The following CALN1 variants were observed in gnomAD, a reference collection of about 807,000 sequenced individuals.
The protein encoded by CALN1 is calcium-binding protein 8.
In CALN1, 17 loss-of-function variants were observed where a neutral mutation model predicts 30.6. That is an observed-to-expected ratio of 0.56 (90% CI 0.38 to 0.83). CALN1 has a LOEUF of 0.83. Among genes scored for constraint, CALN1 ranks in the 40% least tolerant of loss-of-function variants. The pLI is 0.00. For missense variants in CALN1, 291 were observed against 354.9 expected (o/e 0.82, Z 1.45); for synonymous variants, 156 against 131.4 (o/e 1.19, Z -1.28).
chr7:72,033,149 C>T (rs998365541), intron 4 of CALN1, among the ~76,000 whole-genome samples: 2 of 115,310 alleles, frequency 1.7e-5, no homozygotes, highest in African/African-American at 5.0e-5. Flanking sequence ...GACTGTGTCT[C>T]GTGGTTTCCC....
chr7:72,501,948 T>C, the CALN1 span, among the ~76,000 whole-genome samples: 323 of 72,320 alleles, frequency 4.5e-3, 46 homozygotes, highest in African/African-American at 0.013. Flanking sequence ...TATATATATA[T>C]ACACACATAT....
chr7:72,026,107 C>T (rs117626442), intron 4 of CALN1, among the ~76,000 whole-genome samples: 4 of 152,276 alleles, frequency 2.6e-5, no homozygotes, highest in Non-Finnish European at 5.9e-5. Context: ...ATTCAAGCAA[C>T]GAGTTACCAT....
chr7:72,024,571 G>T, intron 4 of CALN1, among the ~76,000 whole-genome samples: 1 of 151,968 alleles, frequency 6.6e-6, no homozygotes, highest in East Asian at 1.9e-4. Context: ...GCTAATTTTT[G>T]TATTTTTAGT....
Position 72,082,062 on chromosome 7 carries a change from C to G in CALN1, c.388+24089G>C, listed in dbSNP as rs542423411. On this transcript the variant is annotated intron_variant, in intron 4 of 6. Transcript: ENST00000395275. ...AGTGCAGTGGTGCAGTCTCGGCTCA[C>G]TGCAACCTCTGCCTCCTGGGTTCAA... is the stretch of plus-strand genomic sequence containing the variant. Among the ~76,000 whole-genome samples the G allele has an allele frequency of 2.0e-5, 3 of 152,196 alleles. No homozygotes were observed. The East Asian group carries it at 5.8e-4, about 30-fold the overall frequency.
rs1806199622 is a variant in CALN1, at chr7:72,096,048, G to GATAC, written c.388+10102_388+10103insGTAT. ...AGCGAGACCTTGTCTCTAAAAGATA[G>GATAC]ATAGATAGATAGATAGATAGATAGA... is the stretch of plus-strand genomic sequence containing the variant. On this transcript the variant is annotated intron_variant, in intron 4 of 6. Coordinates refer to ENST00000395275, the MANE Select transcript of CALN1 (RefSeq NM_031468.4). 1.4e-5 allele frequency among the ~76,000 whole-genome samples: 2 copies of GATAC among 146,056 alleles called. 1 individual carries two copies. Among genetic ancestry groups the GATAC allele is most frequent in the Admixed American group, 1.4e-4 (2 of 14,616 alleles).
At chr7:72,227,237 A>T (rs1585212313) in intron 3 of CALN1, among the ~76,000 whole-genome samples, 1 of 12,244 alleles carries the variant, frequency 8.2e-5, no homozygotes, top group South Asian at 8.1e-3. Flanking sequence ...TTAAAAGCTT[A>T]AAAAAAAAAA....
intron 3 of CALN1, among the ~76,000 whole-genome samples, chr7:72,215,247 G>T (rs997779518): frequency 6.6e-6 from 1 of 152,128 alleles, no homozygotes; most frequent in African/African-American, 2.4e-5. Flanking sequence ...CTCTCCAGAA[G>T]CCTGACCCAG....
chr7:72,448,081 C>T (rs895871685), upstream of CALN1, among the ~76,000 whole-genome samples: 2 of 151,972 alleles, frequency 1.3e-5, no homozygotes, highest in Non-Finnish European at 2.9e-5. Flanking sequence ...CCTGACATAC[C>T]ACACACACAC....
intron 2 of CALN1, among the ~76,000 whole-genome samples, chr7:72,380,388 C>G (rs1804814289): frequency 6.6e-6 from 1 of 152,142 alleles, no homozygotes; most frequent in African/African-American, 2.4e-5. Context: ...ATAATACCAA[C>G]ACTTTGAGAG....
intron 3 of CALN1, among the ~76,000 whole-genome samples, chr7:72,135,978 C>A (rs1423243805): frequency 2.0e-5 from 3 of 151,786 alleles, no homozygotes; most frequent in African/African-American, 7.3e-5. Context: ...ACTAAAACTA[C>A]AAAAATAAGC....
chr7:72,232,750 A>C (rs986256483), intron 3 of CALN1, among the ~76,000 whole-genome samples: 1 of 152,202 alleles, frequency 6.6e-6, no homozygotes, highest in Non-Finnish European at 1.5e-5. Flanking sequence ...ATGAGCCACC[A>C]CACCTGGCTT....
chr7:72,052,058 TGAC>T (rs1802869043), intron 4 of CALN1, among the ~76,000 whole-genome samples: 2 of 152,182 alleles, frequency 1.3e-5, no homozygotes. Flanking sequence ...GTGAGAAAGA[TGAC>T]TAAAGGAATT....
intron 3 of CALN1, among the ~76,000 whole-genome samples, chr7:72,145,111 T>G (rs1786598755): frequency 6.6e-6 from 1 of 151,828 alleles, no homozygotes; most frequent in African/African-American, 2.4e-5. Flanking sequence ...AGGCAAGAAA[T>G]AACTAAGATC....
At chr7:72,491,600 G>A in the CALN1 span, among the ~76,000 whole-genome samples, 1 of 152,160 alleles carries the variant, frequency 6.6e-6, no homozygotes, top group African/African-American at 2.4e-5. Flanking sequence ...TCTGCAGCCT[G>A]ACAAGGGTTC....
chr7:72,152,581 C>T (rs1787335912), intron 3 of CALN1, among the ~76,000 whole-genome samples: 1 of 152,128 alleles, frequency 6.6e-6, no homozygotes, highest in African/African-American at 2.4e-5. Flanking sequence ...GCAATAGGAA[C>T]AACACTGAGG....
chr7:72,398,364 AT>A (rs1371518676), intron 2 of CALN1, among the ~76,000 whole-genome samples: 1 of 152,214 alleles, frequency 6.6e-6, no homozygotes, highest in Non-Finnish European at 1.5e-5. Flanking sequence ...AGAGTCGGCA[AT>A]TTAATGAGTC....
intron 3 of CALN1, among the ~76,000 whole-genome samples, chr7:72,247,986 G>A (rs1795306730): frequency 6.6e-6 from 1 of 152,160 alleles, no homozygotes; most frequent in African/African-American, 2.4e-5. Flanking sequence ...AACACAGTGA[G>A]GCTCTGTCTT....
intron 5 of CALN1, among the ~76,000 whole-genome samples, chr7:71,924,962 C>T (rs967256583): frequency 5.3e-5 from 8 of 152,076 alleles, no homozygotes; most frequent in Middle Eastern, 3.4e-3. Context: ...TAAATTTGGC[C>T]GGGTGCAGTG....
At chr7:72,218,613 G>C (rs1038511264) in intron 3 of CALN1, among the ~76,000 whole-genome samples, 1 of 152,144 alleles carries the variant, frequency 6.6e-6, no homozygotes, top group African/African-American at 2.4e-5. Context: ...CATGCTTGAA[G>C]AAGTTTCCAA....
Sources: gnomAD v4.1 joint callset for allele counts (sites outside exome capture counted in the v4.1 genomes callset) on GRCh38, gnomAD v4.1.1 for gene constraint, MANE v1.5 for transcripts, NCBI Gene and HGNC (gene_info 2026-07-23, HGNC 2026-07-21) for gene names.